Variants in GMCL1 observed in about 807,000 individuals in gnomAD.
The protein encoded by GMCL1 is germ cell-less protein-like 1.
Under a neutral mutation model 75.5 loss-of-function variants are expected in GMCL1, and 54 were observed. The observed-to-expected ratio is 0.71, with a 90% CI of 0.57 to 0.90. The LOEUF (loss-of-function observed/expected upper bound fraction) is 0.90. GMCL1 is among the 40% of genes least tolerant of loss of function. GMCL1 has a pLI of 0.00. For synonymous variants in GMCL1, 210 were observed against 209.6 expected (o/e 1.00, Z -0.02); for missense variants, 537 against 622.7 (o/e 0.86, Z 1.47).
intron 13 of GMCL1, 66 bp downstream of exon 13, chr2:69,871,898 C>G (rs1173988346): frequency 1.9e-6 from 2 of 1,036,066 alleles, no homozygotes; most frequent in South Asian, 1.5e-5. Flanking sequence ...TTTGAAAATT[C>G]TTAAGTAGAA....
At chr2:69,841,762 AT>A (rs1245984684) in intron 4 of GMCL1, among the ~76,000 whole-genome samples, 3 of 152,208 alleles carry the variant, frequency 2.0e-5, no homozygotes, top group African/African-American at 7.2e-5. Context: ...CGAAAGTTAC[AT>A]TTTCACACAG....
chr2:69,861,402 T>C (rs1230955429), intron 10 of GMCL1, 55 bp downstream of exon 10: 2 of 1,081,782 alleles, frequency 1.8e-6, no homozygotes, highest in Admixed American at 4.1e-5. Context: ...ATGAATTTTT[T>C]AATGCATTCA....
chr2:69,838,867 T>C (rs562980526), intron 2 of GMCL1, among the ~76,000 whole-genome samples: 1 of 152,348 alleles, frequency 6.6e-6, no homozygotes, highest in African/African-American at 2.4e-5. Context: ...TGTTTATTGC[T>C]ATATTCACAG....
chr2:69,861,972 C>T (rs895139709), intron 10 of GMCL1, among the ~76,000 whole-genome samples: 3 of 151,990 alleles, frequency 2.0e-5, no homozygotes, highest in Admixed American at 6.6e-5. Context: ...ACTGCACTTC[C>T]AAGCCTGGGG....
chr2:69,875,788 G>A (rs1216085183), intron 13 of GMCL1, among the ~76,000 whole-genome samples: 5 of 151,534 alleles, frequency 3.3e-5, no homozygotes, highest in East Asian at 1.9e-4. Flanking sequence ...TCCACCTCCC[G>A]GGTTCAAGCG....
At position 69,861,362 on chromosome 2, in the gene GMCL1, C is replaced by T. The variant is rs748579959; in HGVS notation, c.1142+15C>T. On this transcript the variant is annotated intron_variant, in intron 10 of 13. Coordinates refer to ENST00000282570, the MANE Select transcript of GMCL1 (RefSeq NM_178439.5). The stretch of plus-strand genomic sequence containing the variant: ...AGTGAGGTGGGGTAAGTATATTATA[C>T]CTTATCATTTTTCATTAAAAAAATT... 2 of 1,522,726 alleles carry T rather than the reference C, an allele frequency of 1.3e-6. No individual in the cohort carries two copies. Among genetic ancestry groups the T allele is most frequent in the Non-Finnish European group, 1.8e-6 (2 of 1,122,548 alleles). 94.3% of individuals were successfully genotyped at this position (1,522,726 alleles called of 1,614,324 possible).
At chr2:69,852,978 A>G (rs932157201) in intron 8 of GMCL1, among the ~76,000 whole-genome samples, 11 of 152,240 alleles carry the variant, frequency 7.2e-5, no homozygotes, top group Admixed American at 6.5e-5. Flanking sequence ...AATTTGGCTG[A>G]TGGAATAAGT....
rs1425446762 is a variant in GMCL1, at chr2:69,829,810, C to T, written c.-83C>T. 1 of 1,428,098 alleles carries T rather than the reference C, an allele frequency of 7.0e-7. No individual in the cohort carries two copies. Among genetic ancestry groups the T allele is most frequent in the Non-Finnish European group, 9.2e-7 (1 of 1,086,662 alleles). 88.5% of individuals were successfully genotyped at this position (1,428,098 alleles called of 1,614,324 possible). On this transcript the variant is annotated 5_prime_UTR_variant, in exon 1 of 14. Transcript: ENST00000282570. ...AGGTGGCGGTGTAGGCACCTGCGCT[C>T]GGGGAAGGCTGGCGGCGGCGGCCGA...
intron 12 of GMCL1, among the ~76,000 whole-genome samples, chr2:69,871,504 A>T (rs1054647674): frequency 6.6e-6 from 1 of 152,210 alleles, no homozygotes; most frequent in African/African-American, 2.4e-5. Flanking sequence ...GGTTAAAATG[A>T]TAAATGTTAC....
chr2:69,869,755 G>C lies in GMCL1; in HGVS notation c.1255G>C (p.Asp419His). ...TTGGACAGGTTTTAACTTCGGCTTC[G>C]ACCTACTTGTAACTTACACCAATCG... ...WRWTGFNFGF[D>H]LLVTYTNRYI... Residue 419 changes from aspartate (D) to histidine (H), a missense_variant, in exon 12 of 14, where the codon GAC (aspartate) becomes CAC (histidine). Asp to His is a moderately conservative substitution (Grantham distance 81, BLOSUM62 -1). Coordinates refer to ENST00000282570, the MANE Select transcript of GMCL1 (RefSeq NM_178439.5). 1 of 1,613,722 alleles carries C rather than the reference G, an allele frequency of 6.2e-7. No homozygotes were observed. The highest frequency in any genetic ancestry group is 8.5e-7 in the Non-Finnish European group (1 of 1,179,910).
At chr2:69,846,386 T>C (rs768874569) in intron 6 of GMCL1, among the ~76,000 whole-genome samples, 3 of 152,222 alleles carry the variant, frequency 2.0e-5, no homozygotes, top group Non-Finnish European at 4.4e-5. Context: ...GCATAACATT[T>C]ACATTGTATT....
chr2:69,838,040 G>A (rs542286123), intron 2 of GMCL1, among the ~76,000 whole-genome samples: 3 of 152,106 alleles, frequency 2.0e-5, no homozygotes, highest in Non-Finnish European at 2.9e-5. Flanking sequence ...CATCTGAAAT[G>A]TTGCTTTGTA....
At position 69,837,562 on chromosome 2, in the gene GMCL1, T is replaced by C; in HGVS notation, c.276T>C (p.Ser92=). Residue 92 remains serine (S), a synonymous_variant, in exon 2 of 14, where the codon AGT becomes AGC. Coordinates refer to ENST00000282570, the MANE Select transcript of GMCL1 (RefSeq NM_178439.5). The part of the protein sequence containing the change: ...LNTPRRKKLK[S]TSKYIYQTLF... ...CTTTTAACAGGAAAAAATTAAAGAG[T>C]ACATCTAAATATATTTATCAAACAT... is the stretch of plus-strand genomic sequence containing the variant. 3.8e-6 allele frequency: 6 copies of C among 1,564,758 alleles called. No individual in the cohort carries two copies. In the South Asian group the frequency reaches 7.2e-5, roughly 19 times the overall value.
Position 69,879,133 on chromosome 2 carries a change from C to T in GMCL1, c.*129C>T. ...TGATATTCACATCGAAGGTGACTAACAATGACAAAGGCCTTATGAACTGTA... is the reference window on the plus strand; with the variant it reads ...TGATATTCACATCGAAGGTGACTAATAATGACAAAGGCCTTATGAACTGTA... On this transcript the variant is annotated 3_prime_UTR_variant, in exon 14 of 14. Transcript: ENST00000282570. The T allele has an allele frequency of 1.6e-6, 1 of 629,912 alleles. No homozygotes were observed. The highest frequency in any genetic ancestry group is 2.8e-6 in the Non-Finnish European group (1 of 350,920). 39.0% of individuals were successfully genotyped at this position (629,912 alleles called of 1,614,324 possible). A position where few individuals can be genotyped will look rare whatever the true frequency, so the allele number is the denominator to read the frequency against.
chr2:69,854,770 A>C (rs1433377897), intron 8 of GMCL1, 53 bp from the exon 9 acceptor site: 8 of 1,497,528 alleles, frequency 5.3e-6, no homozygotes, highest in Non-Finnish European at 5.5e-6. Context: ...AAAAACATTT[A>C]AGAATAATAG....
At chr2:69,843,367 A>G in intron 5 of GMCL1, 106 bp downstream of exon 5, 1 of 601,862 alleles carries the variant, frequency 1.7e-6, no homozygotes, top group Non-Finnish European at 3.0e-6. Flanking sequence ...TTAAGGAAAA[A>G]TAGGATAGGG....
intron 13 of GMCL1, among the ~76,000 whole-genome samples, chr2:69,875,470 G>A (rs1676104917): frequency 6.6e-6 from 1 of 151,910 alleles, no homozygotes; most frequent in African/African-American, 2.4e-5. Context: ...CTCCTGTATG[G>A]GATGTAGGAT....
chr2:69,836,528 A>G (rs4241261), intron 1 of GMCL1, among the ~76,000 whole-genome samples: 90,881 of 152,050 alleles, frequency 0.6, 29,714 homozygotes, highest in African/African-American at 0.87. Context: ...TACCACTAAG[A>G]CATGTGCTGT....
intron 13 of GMCL1, among the ~76,000 whole-genome samples, chr2:69,877,411 T>C (rs774149900): frequency 6.6e-6 from 1 of 152,248 alleles, no homozygotes; most frequent in Non-Finnish European, 1.5e-5. Flanking sequence ...AGAAGGCTAA[T>C]CTTCCTCAGA....
Sources: allele counts gnomAD v4.1 joint callset (sites outside exome capture counted in the v4.1 genomes callset), GRCh38; gene constraint gnomAD v4.1.1; transcripts MANE v1.5; gene names NCBI Gene and HGNC (gene_info 2026-07-23, HGNC 2026-07-21).